PAX2: variants seen among roughly 807,000 people sequenced by gnomAD.
The protein encoded by PAX2 is paired box protein Pax-2.
PAX2 carries 9 observed loss-of-function variants against 41.7 expected under a neutral mutation model. The ratio of observed to expected loss-of-function variants is 0.22; its 90% confidence interval spans 0.13 to 0.38. The LOEUF is 0.38. PAX2 is among the 10% of genes least tolerant of loss of function. The pLI is 1.00. For synonymous variants in PAX2, 221 were observed against 212.7 expected, an observed-to-expected ratio of 1.04 and a Z score of -0.34; for missense variants, 418 against 531.6, an observed-to-expected ratio of 0.79 and a Z score of 2.10.
chr10:100,740,344 G>A (rs1375867059), intron 1 of PAX2, among the ~76,000 whole-genome samples: 2 of 152,192 alleles, frequency 1.3e-5, no homozygotes, highest in East Asian at 3.9e-4. Context: ...GGGGGGTGCA[G>A]GAAGTGGGAA....
At position 100,772,219 on chromosome 10, in the gene PAX2, G is replaced by A. The variant is rs1405542498; in HGVS notation, c.411-7279G>A. 3.3e-5 allele frequency among the ~76,000 whole-genome samples: 5 copies of A among 152,066 alleles called. No homozygotes were observed. In the South Asian group the frequency reaches 6.2e-4, roughly 19 times the overall value. ...ACTGCAACCTCCACCGACTCCAGTC[G>A]TGGGTTCCACTTCACCACTGCAATC... is the stretch of plus-strand genomic sequence containing the variant. On this transcript the variant is annotated intron_variant, in intron 3 of 9. Coordinates refer to ENST00000355243, the MANE Select transcript of PAX2 (RefSeq NM_000278.5).
intron 5 of PAX2, among the ~76,000 whole-genome samples, chr10:100,786,158 G>T (rs1156976913): frequency 1.3e-5 from 2 of 152,224 alleles, no homozygotes; most frequent in Non-Finnish European, 2.9e-5. Context: ...TTGTAACTAG[G>T]GCAGCCTTTA....
intron 5 of PAX2, among the ~76,000 whole-genome samples, chr10:100,781,973 G>T (rs1344302725): frequency 6.6e-6 from 1 of 152,200 alleles, no homozygotes; most frequent in Non-Finnish European, 1.5e-5. Flanking sequence ...AGGGAAGGGG[G>T]AAGGAAGAGG....
rs1845406270 is a variant in PAX2, at chr10:100,750,656, T to C, written c.213-38T>C. 2 of 1,592,848 alleles carry C rather than the reference T, an allele frequency of 1.3e-6. No individual in the cohort carries two copies. The highest frequency in any genetic ancestry group is 2.2e-5 in the South Asian group (2 of 90,594). ...CTGCAGCCCCCCTGCCCCGCCACAG[T>C]CCGCTTCTGGCTGACCCCGCCGGCT... On this transcript the variant is annotated intron_variant, in intron 2 of 9. Coordinates refer to ENST00000355243, the MANE Select transcript of PAX2 (RefSeq NM_000278.5). This position sits in a 1 kb window ranked among gnomAD's most constrained non-coding sequence, Gnocchi z 4.1.
chr10:100,777,893 G>C (rs1287401090), intron 3 of PAX2, among the ~76,000 whole-genome samples: 1 of 152,342 alleles, frequency 6.6e-6, no homozygotes, highest in East Asian at 1.9e-4. Context: ...TCACATCCAA[G>C]TTTTCATTCT....
intron 5 of PAX2, among the ~76,000 whole-genome samples, chr10:100,802,112 C>A (rs192071949): frequency 1.3e-5 from 2 of 152,332 alleles, no homozygotes; most frequent in East Asian, 3.9e-4. Flanking sequence ...CTGACTAGCA[C>A]ACGGTCCCTT....
chr10:100,808,277 C>T (rs779259831), intron 6 of PAX2, among the ~76,000 whole-genome samples: 4 of 151,170 alleles, frequency 2.6e-5, no homozygotes, highest in Non-Finnish European at 5.9e-5. Flanking sequence ...AAGATCAATA[C>T]GAGAAGGAAT....
chr10:100,817,945 A>G (rs1262433269), intron 7 of PAX2, among the ~76,000 whole-genome samples: 1 of 152,276 alleles, frequency 6.6e-6, no homozygotes, highest in African/African-American at 2.4e-5. Context: ...TAATTGTTAT[A>G]GTAAATACCA....
At chr10:100,798,559 C>T (rs1160777833) in intron 5 of PAX2, among the ~76,000 whole-genome samples, 6 of 152,052 alleles carry the variant, frequency 3.9e-5, no homozygotes, top group Non-Finnish European at 7.4e-5. Context: ...TTTCCCAGCC[C>T]GGCCCTCTGG....
chr10:100,804,673 C>T (rs1358006845), intron 5 of PAX2, among the ~76,000 whole-genome samples: 3 of 152,230 alleles, frequency 2.0e-5, no homozygotes, highest in South Asian at 2.1e-4. Context: ...GGAAGCTTCT[C>T]ATTCTATTTC....
chr10:100,779,171 AC>A (rs1240786647), intron 3 of PAX2, among the ~76,000 whole-genome samples: 2 of 152,300 alleles, frequency 1.3e-5, no homozygotes, highest in African/African-American at 4.8e-5. Context: ...GGCAGTCCTC[AC>A]CCTGCAGAAA....
chr10:100,747,655 G>T, intron 1 of PAX2: 1 of 984,578 alleles, frequency 1.0e-6, no homozygotes, highest in Non-Finnish European at 1.2e-6. Context: ...TATATTTAGC[G>T]TTGCGGGGGT....
intron 3 of PAX2, among the ~76,000 whole-genome samples, chr10:100,757,977 GAGCC>G (rs1336359966): frequency 6.6e-6 from 1 of 152,178 alleles, no homozygotes; most frequent in Non-Finnish European, 1.5e-5. Context: ...CGAGGCCGTA[GAGCC>G]AGGGTCCCCT....
At chr10:100,735,506 G>T in exon 1 of PAX2, 1 of 267,388 alleles carries the variant, frequency 3.7e-6, no homozygotes, top group South Asian at 1.6e-4. Context: ...GCCTCTGCGC[G>T]GCCGGGAGTG....
In PAX2 at chr10:100,781,379, A is replaced by G. The variant is rs749404379; in HGVS notation, c.616+14A>G. The G allele has an allele frequency of 7.4e-6, 12 of 1,613,936 alleles. No individual in the cohort carries two copies. In the South Asian group the frequency reaches 1.3e-4, roughly 18 times the overall value. ...AACGTGATGAAGGTAGGGAGGAGGG[A>G]AGAGGTGTGGCTTCCCCTTCACATG... On this transcript the variant is annotated intron_variant, in intron 5 of 9. Coordinates refer to ENST00000355243, the MANE Select transcript of PAX2 (RefSeq NM_000278.5).
chr10:100,819,639 A>G (rs1351867290), intron 7 of PAX2, among the ~76,000 whole-genome samples: 1 of 152,224 alleles, frequency 6.6e-6, no homozygotes, highest in Non-Finnish European at 1.5e-5. Flanking sequence ...ATGAGATAAT[A>G]CATCATATAA....
At position 100,824,390 on chromosome 10, in the gene PAX2, A is replaced by ACACACAC. The variant is rs1848474730; in HGVS notation, c.920-252_920-251insCCACACA. Among the ~76,000 whole-genome samples, 1 of 151,742 alleles carries ACACACAC rather than the reference A, an allele frequency of 6.6e-6. No homozygotes were observed. The highest frequency in any genetic ancestry group is 1.5e-5 in the Non-Finnish European group (1 of 67,910). ...CACACACACACACACACACACACACACACACAAATACACAGAGACACAAAG... is the reference window on the plus strand; with the variant it reads ...CACACACACACACACACACACACACACACACACCACACAAATACACAGAGACACAAAG... On this transcript the variant is annotated intron_variant, in intron 7 of 9. Transcript: ENST00000355243. The surrounding 1 kb of genome is among the most constrained non-coding windows in gnomAD (Gnocchi z 6.6).
chr10:100,816,312 T>G (rs1480805290), intron 7 of PAX2, among the ~76,000 whole-genome samples: 2 of 152,248 alleles, frequency 1.3e-5, no homozygotes, highest in East Asian at 3.8e-4. Flanking sequence ...GGGACCCTTT[T>G]GGTTTCTGTA....
intron 3 of PAX2, among the ~76,000 whole-genome samples, chr10:100,759,846 C>A (rs770677850): frequency 6.6e-6 from 1 of 152,172 alleles, no homozygotes; most frequent in Admixed American, 6.5e-5. Context: ...CTGGGGGCTG[C>A]TCTCCCTGGT....
Sources: gnomAD v4.1 joint callset for allele counts (sites outside exome capture counted in the v4.1 genomes callset) on GRCh38, gnomAD v4.1.1 for gene constraint, Gnocchi (gnomAD v3.1) non-coding constraint, MANE v1.5 for transcripts, NCBI Gene and HGNC (gene_info 2026-07-23, HGNC 2026-07-21) for gene names.